DDC: variants seen among roughly 807,000 people sequenced by gnomAD.
The protein encoded by DDC is dopa decarboxylase.
In DDC, 43 loss-of-function variants were observed where a neutral mutation model predicts 60.0. The observed-to-expected ratio is 0.72, with a 90% CI of 0.56 to 0.92. The LOEUF is 0.92. Ranked by LOEUF, DDC falls within the 40% of genes least tolerant of loss-of-function variation. The pLI is 0.00. For synonymous variants in DDC, 232 were observed against 234.6 expected (o/e 0.99, Z 0.10); for missense variants, 573 against 620.2 (o/e 0.92, Z 0.81).
At chr7:50,535,836 A>T (rs4245549) in intron 4 of DDC, among the ~76,000 whole-genome samples, 2 of 152,154 alleles carry the variant, frequency 1.3e-5, no homozygotes, top group Non-Finnish European at 2.9e-5. Flanking sequence ...AAGTTAAGAA[A>T]CTTGACTTGA....
intron 14 of DDC, among the ~76,000 whole-genome samples, chr7:50,460,537 G>A (rs1182723400): frequency 2.0e-5 from 3 of 151,576 alleles, no homozygotes; most frequent in East Asian, 1.9e-4. Context: ...CCACCACCCC[G>A]TCTGGGAGGT....
At chr7:50,539,427 G>A (rs575931909) in intron 3 of DDC, among the ~76,000 whole-genome samples, 4 of 152,254 alleles carry the variant, frequency 2.6e-5, no homozygotes, top group African/African-American at 9.6e-5. Flanking sequence ...TGGTTTGCAG[G>A]CAGGAGCTAG....
intron 10 of DDC, among the ~76,000 whole-genome samples, chr7:50,478,187 T>C (rs1209225321): frequency 1.3e-5 from 2 of 149,082 alleles, no homozygotes; most frequent in African/African-American, 5.0e-5. Flanking sequence ...CATTCCAGCT[T>C]GGGTGACAGA....
At chr7:50,550,535 C>T (rs548626226) in intron 1 of DDC, among the ~76,000 whole-genome samples, 6 of 152,252 alleles carry the variant, frequency 3.9e-5, no homozygotes, top group East Asian at 3.9e-4. Context: ...AGGACACACC[C>T]GTGACACAGC....
At chr7:50,477,723 C>T in intron 10 of DDC, 1 of 326,752 alleles carries the variant, frequency 3.1e-6, no homozygotes, top group South Asian at 2.3e-5. Context: ...GAGATGGAAG[C>T]CCAAAGTCAT....
At chr7:50,521,610 A>G (rs1304692) in intron 6 of DDC, among the ~76,000 whole-genome samples, 139,793 of 152,228 alleles carry the variant, frequency 0.92, 64,563 homozygotes, top group Non-Finnish European at 0.98. Context: ...TTCAACATAG[A>G]AAAATAAATT....
At chr7:50,556,155 C>T (rs1024441485) in intron 1 of DDC, among the ~76,000 whole-genome samples, 4 of 152,238 alleles carry the variant, frequency 2.6e-5, no homozygotes, top group Admixed American at 1.3e-4. Context: ...GAGGTGAGAC[C>T]GTGGCCAAGC....
At chr7:50,541,018 C>A (rs1181443536) in intron 2 of DDC, among the ~76,000 whole-genome samples, 1 of 152,186 alleles carries the variant, frequency 6.6e-6, no homozygotes, top group East Asian at 1.9e-4. Context: ...AGTACCTGCC[C>A]TGAAGGAACA....
chr7:50,550,344 C>T (rs2044951349), intron 1 of DDC, among the ~76,000 whole-genome samples: 1 of 152,092 alleles, frequency 6.6e-6, no homozygotes, highest in African/African-American at 2.4e-5. Context: ...AATGTTATTG[C>T]ACACTTAATA....
At chr7:50,465,290 T>C (rs868114773) in intron 13 of DDC, among the ~76,000 whole-genome samples, 11 of 152,288 alleles carry the variant, frequency 7.2e-5, no homozygotes, top group Middle Eastern at 3.4e-3. Flanking sequence ...GGTGTGGGGT[T>C]TCTTTTAGGG....
At chr7:50,532,949 G>A (rs1186537885) in intron 4 of DDC, among the ~76,000 whole-genome samples, 1 of 152,134 alleles carries the variant, frequency 6.6e-6, no homozygotes, top group Non-Finnish European at 1.5e-5. Context: ...GAAGATTGTT[G>A]CACTTCATCC....
intron 1 of DDC, among the ~76,000 whole-genome samples, chr7:50,545,560 C>T (rs534121538): frequency 5.9e-5 from 9 of 152,308 alleles, no homozygotes; most frequent in African/African-American, 1.9e-4. Context: ...GCAACCTCTG[C>T]CTCCCGGGTT....
intron 14 of DDC, among the ~76,000 whole-genome samples, chr7:50,459,468 T>C (rs2042202884): frequency 6.7e-6 from 1 of 149,838 alleles, no homozygotes; most frequent in African/African-American, 2.5e-5. Flanking sequence ...GTCTGGAAAG[T>C]GAGGAGCGTC....
chr7:50,463,911 G>A (rs1562978104), intron 13 of DDC, among the ~76,000 whole-genome samples: 2 of 152,286 alleles, frequency 1.3e-5, no homozygotes, highest in South Asian at 4.1e-4. Context: ...AACCACTGGT[G>A]CCTCTCCAGA....
At chr7:50,471,216 AC>A (rs1434165979) in intron 11 of DDC, among the ~76,000 whole-genome samples, 1 of 151,824 alleles carries the variant, frequency 6.6e-6, no homozygotes, top group Non-Finnish European at 1.5e-5. Context: ...ACATGATGAA[AC>A]CCTCTCTCTA....
intron 6 of DDC, among the ~76,000 whole-genome samples, chr7:50,515,533 A>C (rs1297259560): frequency 2.0e-5 from 3 of 152,148 alleles, no homozygotes; most frequent in Admixed American, 6.6e-5. Flanking sequence ...AACAAACAAA[A>C]AAAGTACACA....
chr7:50,535,356 AG>A (rs1257180637), intron 4 of DDC, among the ~76,000 whole-genome samples: 4 of 152,160 alleles, frequency 2.6e-5, no homozygotes, highest in African/African-American at 9.7e-5. Flanking sequence ...CATGTTGGCC[AG>A]GCTGGTCTCA....
chr7:50,561,749 A>G (rs957911148), intron 1 of DDC, among the ~76,000 whole-genome samples: 1 of 151,854 alleles, frequency 6.6e-6, no homozygotes, highest in African/African-American at 2.4e-5. Context: ...ACGCAGAGTC[A>G]TGTGAAGCTA....
At chr7:50,495,574 G>T (rs117940583) in intron 8 of DDC, among the ~76,000 whole-genome samples, 157 bp from the exon 9 acceptor site, 104 of 152,250 alleles carry the variant, frequency 6.8e-4, no homozygotes, top group Non-Finnish European at 1.3e-3. Context: ...ACTTGTAGTG[G>T]GTAGGGGAGT....
Sources: allele counts gnomAD v4.1 joint callset (sites outside exome capture counted in the v4.1 genomes callset), GRCh38; gene constraint gnomAD v4.1.1; transcripts MANE v1.5; gene names NCBI Gene and HGNC (gene_info 2026-07-23, HGNC 2026-07-21).